TENT5A: variants seen among roughly 807,000 people sequenced by gnomAD.
TENT5A encodes the protein terminal nucleotidyltransferase 5A.
Under a neutral mutation model 30.2 loss-of-function variants are expected in TENT5A, and 9 were observed. That is an observed-to-expected ratio of 0.30 (90% CI 0.18 to 0.52). The LOEUF (loss-of-function observed/expected upper bound fraction) is 0.52, where lower values mean the gene tolerates loss of function less well. Among genes scored for constraint, TENT5A ranks in the 20% least tolerant of loss-of-function variants. The probability of loss-of-function intolerance (pLI) is 0.97; values close to 1 mark genes in which losing one functional copy is unlikely to be tolerated. For synonymous variants in TENT5A, 264 were observed against 234.2 expected (o/e 1.13, Z -1.16); for missense variants, 411 against 566.1 (o/e 0.73, Z 2.78).
At chr6:81,752,237 C>T (rs997314133) in intron 1 of TENT5A, 59 bp from the exon 2 acceptor site, 297 of 1,355,384 alleles carry the variant, frequency 2.2e-4, no homozygotes, top group Non-Finnish European at 2.6e-4. Flanking sequence ...GCACGCGCGG[C>T]GGCGGAGAGC....
chr6:81,750,564 C>T lies in TENT5A; in HGVS notation c.553-93G>A, dbSNP rs1356606887. 5 of 828,970 alleles carry T rather than the reference C, an allele frequency of 6.0e-6. No individual in the cohort carries two copies. Among genetic ancestry groups the T allele is most frequent in the Non-Finnish European group, 8.9e-6 (5 of 561,180 alleles). The allele number at this position is 828,970 out of a possible 1,614,324, so 51.4% of individuals were successfully genotyped here. A position where few individuals can be genotyped will look rare whatever the true frequency, so the allele number is the denominator to read the frequency against. ...CTCTTCACAGCTGAGAATTATTTTG[C>T]TCTTTCCCTTTTGTTTTGTCAAGTT... On this transcript the variant is annotated intron_variant, in intron 2 of 2. Transcript: ENST00000320172. The surrounding 1 kb of genome is among the most constrained non-coding windows in gnomAD (Gnocchi z 4.2).
rs1186489196 is a variant in TENT5A, at chr6:81,748,797, G to A, written c.*898C>T. The A allele has an allele frequency of 1.0e-6, 1 of 985,328 alleles. No individual in the cohort carries two copies. Among genetic ancestry groups the A allele is most frequent in the East Asian group, 1.1e-4 (1 of 8,808 alleles). 61.0% of individuals were successfully genotyped at this position (985,328 alleles called of 1,614,324 possible). ...CAAGCTTATGTTATTTTCTTCTTGA[G>A]GCAGTCCCTGATAAAATAAAATAAT... On this transcript the variant is annotated 3_prime_UTR_variant, in exon 3 of 3. Coordinates refer to ENST00000320172, the MANE Select transcript of TENT5A (RefSeq NM_017633.3).
Position 81,747,555 on chromosome 6 carries a change from C to A in TENT5A, c.*2140G>T. The A allele has an allele frequency of 1.6e-5, 16 of 985,674 alleles. No homozygotes were observed. The highest frequency in any genetic ancestry group is 1.9e-5 in the Non-Finnish European group (16 of 829,888). 61.1% of individuals were successfully genotyped at this position (985,674 alleles called of 1,614,324 possible). On this transcript the variant is annotated 3_prime_UTR_variant, in exon 3 of 3. Coordinates refer to ENST00000320172, the MANE Select transcript of TENT5A (RefSeq NM_017633.3). ...GACGGATTAACCTGGATTAACCTAG[C>A]ACTAAGCATCTGAGGATCCCTAGAT...
In TENT5A at chr6:81,748,127, T is replaced by C. The variant is rs1351914020; in HGVS notation, c.*1568A>G. 1.0e-6 allele frequency: 1 copy of C among 985,308 alleles called. No individual in the cohort carries two copies. The highest frequency in any genetic ancestry group is 1.2e-6 in the Non-Finnish European group (1 of 829,698). 61.0% of individuals were successfully genotyped at this position (985,308 alleles called of 1,614,324 possible). A position where few individuals can be genotyped will look rare whatever the true frequency, so the allele number is the denominator to read the frequency against. On this transcript the variant is annotated 3_prime_UTR_variant, in exon 3 of 3. Transcript: ENST00000320172. ...ATTTCACATTACTAAATTCTAGTGG[T>C]CCAGAAATGCAGAATGCATTCATTA... is the stretch of plus-strand genomic sequence containing the variant.
chr6:81,752,200 C>A, intron 1 of TENT5A, 22 bp from the exon 2 acceptor site: 1 of 1,478,802 alleles, frequency 6.8e-7, no homozygotes, highest in Non-Finnish European at 8.9e-7. Flanking sequence ...GGGAAAGGAG[C>A]GCGGTGAGGA....
intron 2 of TENT5A, among the ~76,000 whole-genome samples, chr6:81,751,049 G>A (rs1291258696): frequency 2.6e-5 from 4 of 152,174 alleles, no homozygotes; most frequent in African/African-American, 9.7e-5. Context: ...AAAGTGGAGG[G>A]TGGGGAGGGG....
Position 81,751,867 on chromosome 6 carries a change from G to A in TENT5A, c.275C>T (p.Thr92Met). 2 of 1,613,118 alleles carry A rather than the reference G, an allele frequency of 1.2e-6. No individual in the cohort carries two copies. The highest frequency in any genetic ancestry group is 1.7e-6 in the Non-Finnish European group (2 of 1,179,900). The change falls in exon 2 of 3, where the codon ACG becomes ATG. Residue 92 changes from threonine to methionine, a missense_variant. Around this residue, in one of 5 missense-constraint regions of TENT5A, gnomAD observed 157 missense variants for 183.2 expected, o/e 0.86. Coordinates refer to ENST00000320172, the MANE Select transcript of TENT5A (RefSeq NM_017633.3). ...GATCAGGCTCGGCTGCAGCTCGAGC[G>A]TGGGGAAGTTGCCGCGCCCGTGAAT... ...IPIHGRGNFP[T>M]LELQPSLIVK...
rs944721004 is a variant in TENT5A at position 81,748,450 on chromosome 6, A to C, written c.*1245T>G. 1.2e-5 allele frequency: 12 copies of C among 982,634 alleles called. No homozygotes were observed. The highest frequency in any genetic ancestry group is 1.4e-5 in the Non-Finnish European group (12 of 827,792). The allele number at this position is 982,634 out of a possible 1,614,324, so 60.9% of individuals were successfully genotyped here. The stretch of plus-strand genomic sequence containing the variant: ...ATAATTTCTGCTCTTCCTATGAAAT[A>C]TATTACTTGGTTCCCTCCTTCATTT... On this transcript the variant is annotated 3_prime_UTR_variant, in exon 3 of 3. Transcript: ENST00000320172.
chr6:81,751,510 A>T, intron 2 of TENT5A, 80 bp downstream of exon 2: 2 of 1,291,116 alleles, frequency 1.5e-6, no homozygotes, highest in Non-Finnish European at 2.2e-6. Context: ...CATGGCATTT[A>T]ACCGATGCCC....
rs1768918226 is a variant in TENT5A, at chr6:81,747,906, A to C, written c.*1789T>G. 1.0e-6 allele frequency: 1 copy of C among 985,556 alleles called. No homozygotes were observed. The highest frequency in any genetic ancestry group is 1.7e-5 in the African/African-American group (1 of 57,232). 61.1% of individuals were successfully genotyped at this position (985,556 alleles called of 1,614,324 possible). ...TTCATTTCACAAAGGTATAACTGGT[A>C]TTTTTGTAAGAAAGAAAATAAAGTT... On this transcript the variant is annotated 3_prime_UTR_variant, in exon 3 of 3. Transcript: ENST00000320172.
chr6:81,746,722 G>A lies in TENT5A; in HGVS notation c.*2973C>T, dbSNP rs1044381. 8.2e-7 allele frequency: 1 copy of A among 1,225,882 alleles called. No homozygotes were observed. Among genetic ancestry groups the A allele is most frequent in the Admixed American group, 4.2e-5 (1 of 23,548 alleles). 75.9% of individuals were successfully genotyped at this position (1,225,882 alleles called of 1,614,324 possible). A position where few individuals can be genotyped will look rare whatever the true frequency, so the allele number is the denominator to read the frequency against. On this transcript the variant is annotated 3_prime_UTR_variant, in exon 3 of 3. Coordinates refer to ENST00000320172, the MANE Select transcript of TENT5A (RefSeq NM_017633.3). The stretch of plus-strand genomic sequence containing the variant: ...CACACTAGGCCAGATAAACACAAAA[G>A]GAAACAAATCACAGGCGCTAATAGG...
At position 81,748,528 on chromosome 6, in the gene TENT5A, G is replaced by T. The variant is rs1223498865; in HGVS notation, c.*1167C>A. ...TCATTGCAATATGCCCACGTCTCAT[G>T]TTATCCTGTTGAAAACATAAAAACA... is the stretch of plus-strand genomic sequence containing the variant. On this transcript the variant is annotated 3_prime_UTR_variant, in exon 3 of 3. Transcript: ENST00000320172. 6 of 982,008 alleles carry T rather than the reference G, an allele frequency of 6.1e-6. No homozygotes were observed. The highest frequency in any genetic ancestry group is 7.3e-6 in the Non-Finnish European group (6 of 827,408). The allele number at this position is 982,008 out of a possible 1,614,324, so 60.8% of individuals were successfully genotyped here. A position where few individuals can be genotyped will look rare whatever the true frequency, so the allele number is the denominator to read the frequency against.
At chr6:81,751,274 T>C (rs1769024871) in intron 2 of TENT5A, among the ~76,000 whole-genome samples, 1 of 152,150 alleles carries the variant, frequency 6.6e-6, no homozygotes, top group Non-Finnish European at 1.5e-5. Context: ...TTCTGCCAAG[T>C]ATCAGAATCT....
chr6:81,750,499 AGC>A lies in TENT5A; in HGVS notation c.553-30_553-29del, dbSNP rs1288205867. ...ACAATTTAAAAGATAAAACAAAATGAGCAAACCTAGAAAATAATAAATCAATA... is the reference window on the plus strand; with the variant it reads ...ACAATTTAAAAGATAAAACAAAATGAAAACCTAGAAAATAATAAATCAATA... On this transcript the variant is annotated intron_variant, in intron 2 of 2. Transcript: ENST00000320172. This position sits in a 1 kb window ranked among gnomAD's most constrained non-coding sequence, Gnocchi z 4.2. 7.7e-7 allele frequency: 1 copy of A among 1,297,874 alleles called. No homozygotes were observed. Among genetic ancestry groups the A allele is most frequent in the Non-Finnish European group, 1.1e-6 (1 of 945,498 alleles). 80.4% of individuals were successfully genotyped at this position (1,297,874 alleles called of 1,614,324 possible). A position where few individuals can be genotyped will look rare whatever the true frequency, so the allele number is the denominator to read the frequency against.
intron 1 of TENT5A, 40 bp from the exon 2 acceptor site, chr6:81,752,218 C>T (rs1769060503): frequency 6.4e-6 from 8 of 1,254,722 alleles, no homozygotes; most frequent in Middle Eastern, 2.4e-4. Flanking sequence ...GGACGCGCGG[C>T]GGCGGAGAGC....
In TENT5A at chr6:81,751,887, G is replaced by A. The variant is rs1285970330; in HGVS notation, c.255C>T (p.His85=). Residue 85 remains histidine, a synonymous_variant, in exon 2 of 3, where the codon CAC becomes CAT. Transcript: ENST00000320172. ...DGILSETIPI[H]GRGNFPTLEL... is the part of the protein sequence containing the mutation. The stretch of plus-strand genomic sequence containing the variant: ...CGAGCGTGGGGAAGTTGCCGCGCCC[G>A]TGAATCGGAATGGTCTCGCTCAGGA... 3.7e-6 allele frequency: 6 copies of A among 1,613,222 alleles called. No individual in the cohort carries two copies. The Admixed American group carries it at 5.0e-5, about 13-fold the overall frequency.
Position 81,747,428 on chromosome 6 carries a change from A to G in TENT5A, c.*2267T>C. 1 of 985,884 alleles carries G rather than the reference A, an allele frequency of 1.0e-6. No homozygotes were observed. The highest frequency in any genetic ancestry group is 1.2e-6 in the Non-Finnish European group (1 of 829,938). 61.1% of individuals were successfully genotyped at this position (985,884 alleles called of 1,614,324 possible). On this transcript the variant is annotated 3_prime_UTR_variant, in exon 3 of 3. Transcript: ENST00000320172. ...TCCTTAGAAAACTGAGTGGCAGTGC[A>G]GCGGCTGTTGCAGCTCTGACAGAAT...
In TENT5A at chr6:81,747,574, C is replaced by T; in HGVS notation, c.*2121G>A. On this transcript the variant is annotated 3_prime_UTR_variant, in exon 3 of 3. Transcript: ENST00000320172. Reference sequence around the variant, plus strand: ...ACCTAGCACTAAGCATCTGAGGATCCCTAGATAAACAAACAAACAAATTAT... The same window carrying T: ...ACCTAGCACTAAGCATCTGAGGATCTCTAGATAAACAAACAAACAAATTAT... The T allele has an allele frequency of 1.0e-6, 1 of 985,578 alleles. No homozygotes were observed. Among genetic ancestry groups the T allele is most frequent in the South Asian group, 4.7e-5 (1 of 21,276 alleles). The allele number at this position is 985,578 out of a possible 1,614,324, so 61.1% of individuals were successfully genotyped here.
chr6:81,751,835 C>G lies in TENT5A; in HGVS notation c.307G>C (p.Val103Leu). ...TTCTCGGCCAGGCGCCGCCGCACCA[C>G]CTTCACGATCAGGCTCGGCTGCAGC... ...LELQPSLIVK[V>L]VRRRLAEKRI... The change falls in exon 2 of 3, where the codon GTG (valine) becomes CTG (leucine). Residue 103 changes from valine (V) to leucine (L), a missense_variant. By Grantham distance (32) the Val-to-Leu change is conservative (BLOSUM62 1). This residue lies in a region of TENT5A where 157 missense variants were observed against 183.2 expected (regional missense o/e 0.86). Transcript: ENST00000320172. 6.2e-7 allele frequency: 1 copy of G among 1,613,110 alleles called. No individual in the cohort carries two copies. The highest frequency in any genetic ancestry group is 8.5e-7 in the Non-Finnish European group (1 of 1,179,894).
Sources: gnomAD v4.1 joint callset for allele counts (sites outside exome capture counted in the v4.1 genomes callset) on GRCh38, gnomAD v4.1.1 for gene constraint, gnomAD v4.1.1 regional missense constraint, Gnocchi (gnomAD v3.1) non-coding constraint, MANE v1.5 for transcripts, NCBI Gene and HGNC (gene_info 2026-07-23, HGNC 2026-07-21) for gene names.